The following OSBP2 variants were observed in gnomAD, a reference collection of about 807,000 sequenced individuals.
OSBP2 encodes the protein oxysterol-binding protein 2.
OSBP2 carries 66 observed loss-of-function variants against 96.0 expected under a neutral mutation model. The ratio of observed to expected loss-of-function variants is 0.69; its 90% CI spans 0.56 to 0.84. OSBP2 has a LOEUF of 0.84. Among genes scored for constraint, OSBP2 ranks in the 40% least tolerant of loss-of-function variants. The pLI, the probability that OSBP2 is intolerant of heterozygous loss-of-function variation, is 0.00. For missense variants in OSBP2, 1,038 were observed against 1,222.7 expected, an observed-to-expected ratio of 0.85 and a Z score of 2.25; for synonymous variants, 525 against 520.9, an observed-to-expected ratio of 1.01 and a Z score of -0.11.
At chr22:30,863,805 A>G (rs1385706257) in intron 2 of OSBP2, among the ~76,000 whole-genome samples, 1 of 152,214 alleles carries the variant, frequency 6.6e-6, no homozygotes, top group Admixed American at 6.5e-5. Context: ...CCTCCGACAC[A>G]GCAGCCCCTA....
At chr22:30,874,941 C>T (rs1174767822) in intron 3 of OSBP2, among the ~76,000 whole-genome samples, 1 of 152,216 alleles carries the variant, frequency 6.6e-6, no homozygotes, top group Non-Finnish European at 1.5e-5. Context: ...GTTTCAATCA[C>T]TCCCCAGTGG....
chr22:30,731,821 G>A lies in OSBP2; in HGVS notation c.645-9340G>A, dbSNP rs371836829. On this transcript the variant is annotated intron_variant, in intron 1 of 13. Transcript: ENST00000332585. ...TAAAGCAAGAAGGTTGTGAAACAAG[G>A]TCATCTGCTGCTGCTGTGGCCGGTC... 1.3e-4 allele frequency among the ~76,000 whole-genome samples: 20 copies of A among 152,300 alleles called. No homozygotes were observed. The East Asian group carries it at 3.9e-3, about 29-fold the overall frequency.
chr22:30,741,370 G>A lies in OSBP2; in HGVS notation c.853+1G>A. On this transcript the variant is annotated splice_donor_variant, in intron 2 of 13. Transcript: ENST00000332585. LOFTEE classifies it high-confidence loss of function. ...GTCCGCGTGATGAACACTCATTCAGGTAGTGAGCACTTGGGACAGCGGGTG... is the reference window on the plus strand; with the variant it reads ...GTCCGCGTGATGAACACTCATTCAGATAGTGAGCACTTGGGACAGCGGGTG... 1 of 1,604,644 alleles carries A rather than the reference G, an allele frequency of 6.2e-7. No homozygotes were observed. The highest frequency in any genetic ancestry group is 8.5e-7 in the Non-Finnish European group (1 of 1,177,492).
intron 1 of OSBP2, 49 bp from the exon 2 acceptor site, chr22:30,741,112 G>A (rs1012023550): frequency 7.1e-7 from 1 of 1,418,158 alleles, no homozygotes. Flanking sequence ...TTAGTCTGGA[G>A]CCATTGAGAT....
In OSBP2 at chr22:30,695,327, G is replaced by C. The variant is rs1189105069; in HGVS notation, c.418G>C (p.Glu140Gln). The change falls in exon 1 of 14, where the codon GAG (glutamate) becomes CAG (glutamine). Residue 140 changes from glutamate to glutamine, a missense_variant. Transcript: ENST00000332585. ...AVGSATFLRP[E>Q]SGSLPALKPL... ...GGGGAGCGCGACCTTTCTCAGACCC[G>C]AGTCAGGATCGCTGCCAGCGTTAAA... 2 of 1,613,446 alleles carry C rather than the reference G, an allele frequency of 1.2e-6. No homozygotes were observed. The highest frequency in any genetic ancestry group is 1.3e-5 in the African/African-American group (1 of 74,950).
intron 2 of OSBP2, among the ~76,000 whole-genome samples, chr22:30,755,005 G>A (rs576977645): frequency 1.1e-4 from 17 of 152,208 alleles, no homozygotes; most frequent in Non-Finnish European, 1.8e-4. Context: ...CACTCTTTCT[G>A]CTGGGCAGCC....
At chr22:30,720,930 A>C (rs2089538644) in intron 1 of OSBP2, among the ~76,000 whole-genome samples, 1 of 152,056 alleles carries the variant, frequency 6.6e-6, no homozygotes. Context: ...CTCAGTCCAA[A>C]TGGTAGATGG....
chr22:30,901,960 T>C (rs1046175721), intron 12 of OSBP2, among the ~76,000 whole-genome samples: 6 of 152,142 alleles, frequency 3.9e-5, no homozygotes, highest in African/African-American at 1.4e-4. Flanking sequence ...ACAGGACTTA[T>C]GCATGAGACT....
At chr22:30,694,753 C>T, upstream of OSBP2, 1 of 515,870 alleles carries the variant, frequency 1.9e-6, no homozygotes. Flanking sequence ...GCACAACAGC[C>T]GGCGGGCGCT....
chr22:30,732,432 C>T (rs1244901620), intron 1 of OSBP2, among the ~76,000 whole-genome samples: 2 of 152,162 alleles, frequency 1.3e-5, no homozygotes, highest in African/African-American at 2.4e-5. Flanking sequence ...GGATCAGTGA[C>T]CCCTGGCGGT....
At chr22:30,719,303 C>T (rs1223276359) in intron 1 of OSBP2, among the ~76,000 whole-genome samples, 1 of 152,090 alleles carries the variant, frequency 6.6e-6, no homozygotes, top group East Asian at 1.9e-4. Flanking sequence ...TGTCTGTTCC[C>T]TCCCAGAAGT....
chr22:30,803,968 G>A (rs1047155260), intron 2 of OSBP2, among the ~76,000 whole-genome samples: 2 of 152,192 alleles, frequency 1.3e-5, no homozygotes, highest in African/African-American at 4.8e-5. Context: ...AGGAGCTCTG[G>A]GCTTCCTCAG....
upstream of OSBP2, chr22:30,693,914 A>G: frequency 1.4e-6 from 1 of 697,242 alleles, no homozygotes. Flanking sequence ...GCAGTGAACC[A>G]AGATCACGCC....
At chr22:30,904,279 ACTCT>A (rs776568520) in intron 12 of OSBP2, among the ~76,000 whole-genome samples, 2 of 151,914 alleles carry the variant, frequency 1.3e-5, no homozygotes, top group Non-Finnish European at 2.9e-5. Context: ...AATCCACAGA[ACTCT>A]CTCTCCTTCC....
intron 2 of OSBP2, among the ~76,000 whole-genome samples, chr22:30,808,884 G>A (rs902116098): frequency 1.3e-5 from 2 of 152,164 alleles, no homozygotes; most frequent in African/African-American, 4.8e-5. Context: ...AACCCGGAAG[G>A]TGGAGGCTGC....
chr22:30,859,020 A>G (rs1370531065), intron 2 of OSBP2, among the ~76,000 whole-genome samples: 1 of 152,040 alleles, frequency 6.6e-6, no homozygotes, highest in Non-Finnish European at 1.5e-5. Context: ...AACCAGGCAG[A>G]TGCAGCCCCT....
chr22:30,697,471 G>A (rs2089066197), intron 1 of OSBP2, among the ~76,000 whole-genome samples: 1 of 152,184 alleles, frequency 6.6e-6, no homozygotes, highest in South Asian at 2.1e-4. Context: ...TAGAGGCGGG[G>A]TTTCACCATG....
chr22:30,758,479 C>T (rs1602224496), intron 2 of OSBP2, among the ~76,000 whole-genome samples: 1 of 152,144 alleles, frequency 6.6e-6, no homozygotes, highest in Admixed American at 6.5e-5. Flanking sequence ...TAGCCACAAG[C>T]AGACTAGAGA....
chr22:30,864,544 G>A (rs926602982), intron 2 of OSBP2, among the ~76,000 whole-genome samples: 3 of 152,182 alleles, frequency 2.0e-5, no homozygotes, highest in African/African-American at 7.2e-5. Context: ...GATATGGGGC[G>A]TTGGTGGGTG....
Sources: gnomAD v4.1 joint callset for allele counts (sites outside exome capture counted in the v4.1 genomes callset) on GRCh38, gnomAD v4.1.1 for gene constraint, MANE v1.5 for transcripts, NCBI Gene and HGNC (gene_info 2026-07-23, HGNC 2026-07-21) for gene names.